SH3RF2: variants seen among roughly 807,000 people sequenced by gnomAD.
The protein encoded by SH3RF2 is SH3 domain containing ring finger 2.
Under a neutral mutation model 59.0 loss-of-function variants are expected in SH3RF2, and 43 were observed. That is an observed-to-expected ratio of 0.73 (90% CI 0.57 to 0.94). The LOEUF (loss-of-function observed/expected upper bound fraction) is 0.94, where lower values mean the gene tolerates loss of function less well. Ranked by LOEUF, SH3RF2 falls within the 40% of genes least tolerant of loss-of-function variation. The probability of loss-of-function intolerance (pLI) is 0.00; values close to 1 mark genes in which losing one functional copy is unlikely to be tolerated. For missense variants in SH3RF2, 930 were observed against 940.1 expected (o/e 0.99, Z 0.14); for synonymous variants, 391 against 391.5 (o/e 1.00, Z 0.01).
chr5:145,985,659 C>G (rs1759670037), intron 2 of SH3RF2, among the ~76,000 whole-genome samples: 1 of 152,156 alleles, frequency 6.6e-6, no homozygotes, highest in African/African-American at 2.4e-5. Flanking sequence ...TTCATCTCAC[C>G]TGTCACCTCT....
chr5:145,965,549 T>G (rs988650821), intron 2 of SH3RF2, among the ~76,000 whole-genome samples: 1 of 152,208 alleles, frequency 6.6e-6, no homozygotes, highest in Non-Finnish European at 1.5e-5. Flanking sequence ...TTATATTCAT[T>G]TCAACGAACA....
downstream of SH3RF2, among the ~76,000 whole-genome samples, chr5:146,067,757 T>A (rs1328772559): frequency 2.0e-5 from 3 of 149,656 alleles, no homozygotes; most frequent in East Asian, 5.9e-4. Context: ...GAACAGTGGA[T>A]GCTCTGAGCT....
exon 10 of SH3RF2, chr5:146,079,578 C>T (rs1423668032): frequency 2.6e-5 from 4 of 152,186 alleles, no homozygotes; most frequent in African/African-American, 9.7e-5. Flanking sequence ...TTTCATCCAG[C>T]CCTGCTTGTA....
intron 2 of SH3RF2, among the ~76,000 whole-genome samples, chr5:145,964,589 G>C (rs1393554776): frequency 1.3e-5 from 2 of 152,096 alleles, no homozygotes; most frequent in Admixed American, 1.3e-4. Flanking sequence ...TTACGGGCGT[G>C]AGCCACCATG....
chr5:146,081,002 G>C (rs1238366820), exon 10 of SH3RF2: 3 of 152,264 alleles, frequency 2.0e-5, no homozygotes, highest in Non-Finnish European at 4.4e-5. Flanking sequence ...GTCTCACCGT[G>C]TTAGCCAGGA....
At position 146,042,088 on chromosome 5, in the gene SH3RF2, A is replaced by G. The variant is rs145105995; in HGVS notation, c.1060-5684A>G. 4.3e-3 allele frequency among the ~76,000 whole-genome samples: 661 copies of G among 152,296 alleles called. 3 individuals carry two copies. The highest frequency in any genetic ancestry group is 0.015 in the African/African-American group (624 of 41,560). ...CTTTGCTGGGGAAGACAGTCACCCC[A>G]TACCCGCCAAGTTACCGCAAGGCAA... On this transcript the variant is annotated intron_variant, in intron 5 of 9. Coordinates refer to ENST00000359120, the MANE Select transcript of SH3RF2 (RefSeq NM_152550.4).
intron 4 of SH3RF2, among the ~76,000 whole-genome samples, chr5:146,004,366 T>A (rs1440760353): frequency 6.6e-6 from 1 of 152,236 alleles, no homozygotes; most frequent in African/African-American, 2.4e-5. Context: ...TGTAAATTAG[T>A]GAAATCTCTC....
intron 8 of SH3RF2, among the ~76,000 whole-genome samples, chr5:146,059,470 C>T (rs574153501): frequency 6.6e-6 from 1 of 152,202 alleles, no homozygotes; most frequent in Admixed American, 6.5e-5. Flanking sequence ...CTTCTATTTC[C>T]TATCTCTGAT....
intron 2 of SH3RF2, among the ~76,000 whole-genome samples, chr5:145,979,980 G>A (rs1292657159): frequency 6.6e-6 from 1 of 152,162 alleles, no homozygotes. Flanking sequence ...AGCCCGTGAG[G>A]TGACAGAGAC....
chr5:146,076,677 G>A, intron 9 of SH3RF2, among the ~76,000 whole-genome samples: 1 of 152,180 alleles, frequency 6.6e-6, no homozygotes, highest in Non-Finnish European at 1.5e-5. Context: ...TAGCTAATGA[G>A]GAAGTGCTGC....
At position 146,042,715 on chromosome 5, in the gene SH3RF2, T is replaced by C. The variant is rs532698276; in HGVS notation, c.1060-5057T>C. 3.3e-5 allele frequency among the ~76,000 whole-genome samples: 5 copies of C among 152,330 alleles called. No individual in the cohort carries two copies. In the South Asian group the frequency reaches 1.0e-3, roughly 32 times the overall value. On this transcript the variant is annotated intron_variant, in intron 5 of 9. Transcript: ENST00000359120. ...GCTTCATACCCTCTTCCTCCCTCAC[T>C]TAGCACCTGAAAACCTGGAAATTCC...
In SH3RF2 at chr5:146,014,041, C is replaced by G; in HGVS notation, c.1039C>G (p.Pro347Ala). The G allele has an allele frequency of 6.2e-7, 1 of 1,614,096 alleles. No homozygotes were observed. The highest frequency in any genetic ancestry group is 1.7e-5 in the Admixed American group (1 of 60,012). ...CCAGCCCATGGAGAAAGCAGACGTT[C>G]CTTCCAGCTGTGTGGGACAGGTAGG... ...ITQPMEKADV[P>A]SSCVGQVSTY... is the part of the protein sequence containing the mutation. The change falls in exon 5 of 10, where the codon CCT becomes GCT. Residue 347 changes from proline to alanine, a missense_variant. Pro to Ala is a conservative substitution (Grantham distance 27). Transcript: ENST00000359120.
At chr5:146,052,795 G>T (rs139757481) in intron 7 of SH3RF2, among the ~76,000 whole-genome samples, 147 of 152,236 alleles carry the variant, frequency 9.7e-4, no homozygotes, top group African/African-American at 3.4e-3. Flanking sequence ...ATGTCTCAGG[G>T]ATGAATAATA....
chr5:146,007,333 C>T (rs1462057367), intron 4 of SH3RF2, among the ~76,000 whole-genome samples: 2 of 152,166 alleles, frequency 1.3e-5, no homozygotes, highest in African/African-American at 4.8e-5. Flanking sequence ...GTAGAATCCA[C>T]AGGACTTTGG....
chr5:145,953,376 G>A (rs1758266511), intron 2 of SH3RF2, among the ~76,000 whole-genome samples: 1 of 152,108 alleles, frequency 6.6e-6, no homozygotes, highest in South Asian at 2.1e-4. Flanking sequence ...GAGAGGACTT[G>A]GCAAGATCTG....
At chr5:146,057,718 T>C (rs898319103) in intron 8 of SH3RF2, among the ~76,000 whole-genome samples, 20 of 152,064 alleles carry the variant, frequency 1.3e-4, no homozygotes, top group African/African-American at 4.1e-4. Flanking sequence ...GGTGGGAACA[T>C]TACTTGAGCT....
rs959562511 is a variant in SH3RF2 at position 146,027,647 on chromosome 5, G to A, written c.1059+13586G>A. Among the ~76,000 whole-genome samples the A allele has an allele frequency of 3.6e-4, 55 of 152,324 alleles. 1 individual carries two copies. The highest frequency in any genetic ancestry group is 5.9e-4 in the Non-Finnish European group (40 of 68,022). ...ATGGGAGATGAAGGGAGTATGTAAT[G>A]GAGGGTCCACCTAGTCTAGAAAGTC... On this transcript the variant is annotated intron_variant, in intron 5 of 9. Coordinates refer to ENST00000359120, the MANE Select transcript of SH3RF2 (RefSeq NM_152550.4).
At chr5:146,039,431 G>A (rs1762052523) in intron 5 of SH3RF2, among the ~76,000 whole-genome samples, 1 of 151,628 alleles carries the variant, frequency 6.6e-6, no homozygotes, top group Admixed American at 6.6e-5. Context: ...TGGAAGAGCG[G>A]GATACGAAGG....
chr5:146,018,428 T>C (rs973605051), intron 5 of SH3RF2, among the ~76,000 whole-genome samples: 4 of 152,128 alleles, frequency 2.6e-5, no homozygotes, highest in African/African-American at 9.7e-5. Flanking sequence ...GACATTATTT[T>C]ATTCTTTTTT....
Sources: allele counts gnomAD v4.1 joint callset (sites outside exome capture counted in the v4.1 genomes callset), GRCh38; gene constraint gnomAD v4.1.1; transcripts MANE v1.5; gene names NCBI Gene and HGNC (gene_info 2026-07-23, HGNC 2026-07-21).